Variants in KCNU1 observed in about 807,000 individuals in gnomAD.
KCNU1 encodes the protein potassium calcium-activated channel subfamily U member 1, also known as potassium channel subfamily U member 1.
A neutral mutation model predicts 126.8 loss-of-function variants in KCNU1; 93 were observed. The observed-to-expected ratio is 0.73, with a 90% CI of 0.62 to 0.87. The LOEUF (loss-of-function observed/expected upper bound fraction) is 0.87. Ranked by LOEUF, KCNU1 falls within the 40% of genes least tolerant of loss-of-function variation. KCNU1 has a pLI of 0.00. For synonymous variants in KCNU1, 523 were observed against 494.2 expected, an observed-to-expected ratio of 1.06 and a Z score of -0.77; for missense variants, 1,330 against 1,367.1, an observed-to-expected ratio of 0.97 and a Z score of 0.43.
chr8:36,809,538 C>T (rs1803632262), intron 7 of KCNU1, among the ~76,000 whole-genome samples: 1 of 152,154 alleles, frequency 6.6e-6, no homozygotes, highest in Non-Finnish European at 1.5e-5. Context: ...TTGTTCAATT[C>T]AACAAGAAAA....
At chr8:36,817,024 A>G (rs1421676299) in intron 9 of KCNU1, among the ~76,000 whole-genome samples, 1 of 152,218 alleles carries the variant, frequency 6.6e-6, no homozygotes, top group Non-Finnish European at 1.5e-5. Context: ...AAAATCTATT[A>G]TAAGTTATAA....
At chr8:36,893,262 C>G (rs60018253) in intron 19 of KCNU1, among the ~76,000 whole-genome samples, 2,691 of 151,880 alleles carry the variant, frequency 0.018, 95 homozygotes, top group African/African-American at 0.062. Context: ...GCATGAGCCA[C>G]CACATCTGGC....
At chr8:36,830,947 C>T (rs1298751896) in intron 10 of KCNU1, among the ~76,000 whole-genome samples, 2 of 136,858 alleles carry the variant, frequency 1.5e-5, no homozygotes, top group African/African-American at 5.5e-5. Flanking sequence ...TGTGATGTTC[C>T]CCTTCCTGTG....
chr8:36,864,482 T>C lies in KCNU1; in HGVS notation c.1970T>C (p.Val657Ala). ...TCAGGGCAGGATTCTCCGCCAAGGG[T>C]ATCTGCAAGCACTTCGAGCATATCA... Reference protein sequence around the residue: ...RISGQDSPPRVSASTSSISNF... With the variant: ...RISGQDSPPRASASTSSISNF... The change falls in exon 19 of 27, where the codon GTA (valine) becomes GCA (alanine). Residue 657 changes from valine to alanine, a missense_variant. Val to Ala is a moderately conservative substitution (Grantham distance 64). Around this residue, in one of 3 missense-constraint regions of KCNU1, gnomAD observed 1,054 missense variants for 1,053.9 expected, o/e 1.00. Coordinates refer to ENST00000399881, the MANE Select transcript of KCNU1 (RefSeq NM_001031836.3). The C allele has an allele frequency of 6.2e-7, 1 of 1,612,800 alleles. No homozygotes were observed. The highest frequency in any genetic ancestry group is 8.5e-7 in the Non-Finnish European group (1 of 1,178,930).
chr8:36,806,220 A>T, intron 4 of KCNU1, 49 bp from the exon 5 acceptor site: 1 of 1,239,414 alleles, frequency 8.1e-7, no homozygotes, highest in East Asian at 2.4e-5. Context: ...TGTTCACTTA[A>T]AATTCTTGAG....
At chr8:36,915,385 T>C (rs1481414233) in intron 22 of KCNU1, among the ~76,000 whole-genome samples, 4 of 152,228 alleles carry the variant, frequency 2.6e-5, no homozygotes, top group African/African-American at 7.2e-5. Context: ...TTGGGCATGG[T>C]ATGTAAATCC....
At chr8:36,823,877 G>A (rs1256593583) in intron 10 of KCNU1, among the ~76,000 whole-genome samples, 1 of 93,640 alleles carries the variant, frequency 1.1e-5, no homozygotes. Context: ...TGCTCTTATT[G>A]CCCAGGCTGT....
chr8:36,905,591 A>G (rs1440440632), intron 19 of KCNU1, 117 bp from the exon 20 acceptor site: 6 of 705,482 alleles, frequency 8.5e-6, no homozygotes, highest in African/African-American at 1.7e-5. Flanking sequence ...ACCTGAGGTC[A>G]TTCTACTTAT....
At chr8:36,790,928 G>T (rs1364658982) in intron 2 of KCNU1, among the ~76,000 whole-genome samples, 1 of 150,632 alleles carries the variant, frequency 6.6e-6, no homozygotes, top group East Asian at 1.9e-4. Context: ...CTTTGAGGGA[G>T]AATACATGGG....
chr8:36,836,907 A>G lies in KCNU1; in HGVS notation c.1480A>G (p.Thr494Ala), dbSNP rs764096760. ...AQGCLVPGLC[T>A]FLTSLFVEQN... ...AGGCTGTTTGGTGCCAGGCTTGTGT[A>G]CCTTCCTAACATCTCTATTTGTGGA... The change falls in exon 14 of 27, where the codon ACC becomes GCC. Residue 494 changes from threonine to alanine, a missense_variant. Around this residue, in one of 3 missense-constraint regions of KCNU1, gnomAD observed 1,054 missense variants for 1,053.9 expected, o/e 1.00. Coordinates refer to ENST00000399881, the MANE Select transcript of KCNU1 (RefSeq NM_001031836.3). The G allele has an allele frequency of 1.2e-6, 2 of 1,613,730 alleles. No homozygotes were observed. The highest frequency in any genetic ancestry group is 1.7e-6 in the Non-Finnish European group (2 of 1,179,808).
intron 19 of KCNU1, among the ~76,000 whole-genome samples, chr8:36,902,280 T>C (rs545334378): frequency 6.6e-6 from 1 of 152,296 alleles, no homozygotes; most frequent in African/African-American, 2.4e-5. Flanking sequence ...TATACCACAC[T>C]TTTATTATGA....
chr8:36,787,176 T>G, intron 1 of KCNU1, 130 bp from the exon 2 acceptor site: 1 of 730,082 alleles, frequency 1.4e-6, no homozygotes, highest in Non-Finnish European at 2.1e-6. Flanking sequence ...AACTTCAGGG[T>G]TCCCTGGTTT....
intron 2 of KCNU1, among the ~76,000 whole-genome samples, chr8:36,794,586 A>C (rs1803024434): frequency 6.6e-6 from 1 of 151,992 alleles, no homozygotes; most frequent in South Asian, 2.1e-4. Flanking sequence ...GCATTTTCTC[A>C]TAAACTTTTT....
rs186885609 is a variant in KCNU1, at chr8:36,931,479, A to G, written c.2931+334A>G. 4.8e-4 allele frequency among the ~76,000 whole-genome samples: 73 copies of G among 152,240 alleles called. 1 individual carries two copies. The highest frequency in any genetic ancestry group is 1.2e-4 in the Non-Finnish European group (8 of 68,000). On this transcript the variant is annotated intron_variant, in intron 25 of 26. Transcript: ENST00000399881. The stretch of plus-strand genomic sequence containing the variant: ...GACAAGAGTATTCATAATAATTATA[A>G]CAGCTAATGTTTATTGAGTATTTTC...
At chr8:36,888,765 T>C (rs755941680) in intron 19 of KCNU1, 1 of 533,650 alleles carries the variant, frequency 1.9e-6, no homozygotes, top group Non-Finnish European at 3.9e-6. Context: ...AAAGATTACA[T>C]GAAATCAATC....
intron 22 of KCNU1, among the ~76,000 whole-genome samples, chr8:36,913,293 A>G (rs1212014636): frequency 1.3e-5 from 2 of 151,916 alleles, no homozygotes; most frequent in Non-Finnish European, 2.9e-5. Context: ...GTTTTGGGGG[A>G]ATGAGGTTGA....
chr8:36,897,111 T>C (rs1376784530), intron 19 of KCNU1, among the ~76,000 whole-genome samples: 1 of 152,042 alleles, frequency 6.6e-6, no homozygotes, highest in African/African-American at 2.4e-5. Flanking sequence ...CTTATCAGCA[T>C]GCACAGTGGT....
intron 18 of KCNU1, among the ~76,000 whole-genome samples, chr8:36,851,227 C>G (rs991169186): frequency 6.6e-6 from 1 of 152,054 alleles, no homozygotes; most frequent in Non-Finnish European, 1.5e-5. Flanking sequence ...TGTGTCCCCA[C>G]CCAAATCTCA....
chr8:36,869,165 T>C (rs1806012660), intron 19 of KCNU1, among the ~76,000 whole-genome samples: 1 of 152,186 alleles, frequency 6.6e-6, no homozygotes. Context: ...ATTATCCAGC[T>C]TTCTAAAAAG....
Sources: gnomAD v4.1 joint callset for allele counts (sites outside exome capture counted in the v4.1 genomes callset) on GRCh38, gnomAD v4.1.1 for gene constraint, gnomAD v4.1.1 regional missense constraint, MANE v1.5 for transcripts, NCBI Gene and HGNC (gene_info 2026-07-23, HGNC 2026-07-21) for gene names.